The following CTNNA3 variants were observed in gnomAD, a reference collection of about 807,000 sequenced individuals.
CTNNA3 encodes catenin alpha-3.
Under a neutral mutation model 95.7 loss-of-function variants are expected in CTNNA3, and 76 were observed. That is an observed-to-expected ratio of 0.79 (90% CI 0.66 to 0.96). The LOEUF is 0.96. Ranked by LOEUF, CTNNA3 falls within the 40% of genes least tolerant of loss-of-function variation. CTNNA3 has a pLI of 0.00. For missense variants in CTNNA3, 1,191 were observed against 1,089.8 expected (o/e 1.09, Z -1.31); for synonymous variants, 431 against 374.4 (o/e 1.15, Z -1.74).
At chr10:67,385,798 T>TC (rs1283716901) in intron 5 of CTNNA3, among the ~76,000 whole-genome samples, 3 of 146,652 alleles carry the variant, frequency 2.0e-5, no homozygotes, top group Non-Finnish European at 4.5e-5. Flanking sequence ...GCCAGTGTGG[T>TC]CCCACAGTGC....
intron 5 of CTNNA3, among the ~76,000 whole-genome samples, chr10:67,410,544 GC>G (rs1450892163): frequency 1.3e-5 from 2 of 151,318 alleles, no homozygotes; most frequent in East Asian, 3.9e-4. Context: ...AATAGTGTTG[GC>G]AAGAGTACAG....
chr10:67,241,390 T>G (rs910971856), intron 5 of CTNNA3, among the ~76,000 whole-genome samples: 1 of 151,816 alleles, frequency 6.6e-6, no homozygotes, highest in East Asian at 1.9e-4. Flanking sequence ...GCCACTGCCC[T>G]CTAGCCTAGG....
chr10:67,509,798 A>G (rs993788183), intron 5 of CTNNA3, among the ~76,000 whole-genome samples: 1 of 152,070 alleles, frequency 6.6e-6, no homozygotes, highest in African/African-American at 2.4e-5. Context: ...AGTAATTTAC[A>G]CTCCCACCAA....
intron 13 of CTNNA3, among the ~76,000 whole-genome samples, chr10:66,231,147 C>A (rs1330476967): frequency 1.3e-5 from 2 of 152,130 alleles, no homozygotes; most frequent in Non-Finnish European, 2.9e-5. Flanking sequence ...TCAGCTCCTG[C>A]AATGGCTGTG....
intron 7 of CTNNA3, among the ~76,000 whole-genome samples, chr10:66,981,881 G>T (rs1055522950): frequency 6.6e-6 from 1 of 152,102 alleles, no homozygotes; most frequent in Non-Finnish European, 1.5e-5. Flanking sequence ...CCACTTACTT[G>T]CTCCCAAAGT....
At chr10:67,059,275 C>G (rs1424444471) in intron 7 of CTNNA3, among the ~76,000 whole-genome samples, 1 of 152,052 alleles carries the variant, frequency 6.6e-6, no homozygotes, top group East Asian at 1.9e-4. Context: ...TTTGAATTAG[C>G]TAAATGAATT....
intron 7 of CTNNA3, among the ~76,000 whole-genome samples, chr10:66,943,856 C>T (rs183742124): frequency 6.6e-6 from 1 of 152,272 alleles, no homozygotes; most frequent in Non-Finnish European, 1.5e-5. Context: ...TGCAGTAGCA[C>T]TATGTCAAAG....
intron 5 of CTNNA3, among the ~76,000 whole-genome samples, chr10:67,445,702 C>T (rs12264973): frequency 0.1 from 15,601 of 152,052 alleles, 1,055 homozygotes; most frequent in African/African-American, 0.18. Flanking sequence ...ATTCAGCAGC[C>T]AAAGGTAGGC....
chr10:66,739,197 G>A (rs1294936328), intron 9 of CTNNA3, among the ~76,000 whole-genome samples: 4 of 152,194 alleles, frequency 2.6e-5, no homozygotes. Context: ...TGTATTTAGA[G>A]CAATGGTTCT....
chr10:67,436,346 C>T (rs546249196), intron 5 of CTNNA3, among the ~76,000 whole-genome samples: 4 of 152,178 alleles, frequency 2.6e-5, no homozygotes, highest in African/African-American at 9.6e-5. Flanking sequence ...GGACTTACAC[C>T]TAAGACCTGA....
chr10:67,041,910 A>G (rs766696287), intron 7 of CTNNA3, among the ~76,000 whole-genome samples: 49 of 152,274 alleles, frequency 3.2e-4, no homozygotes, highest in Non-Finnish European at 5.1e-4. Context: ...CACATTCATA[A>G]AAGCAATTGT....
intron 7 of CTNNA3, among the ~76,000 whole-genome samples, chr10:67,111,063 A>G (rs1671320459): frequency 6.6e-6 from 1 of 152,150 alleles, no homozygotes; most frequent in Admixed American, 6.5e-5. Flanking sequence ...AACCACAGGG[A>G]GAATAATATA....
At chr10:66,052,791 T>C (rs539263764) in intron 15 of CTNNA3, among the ~76,000 whole-genome samples, 9 of 152,090 alleles carry the variant, frequency 5.9e-5, no homozygotes, top group Non-Finnish European at 4.4e-5. Flanking sequence ...AGTTAAAATA[T>C]GGGCAAAGCA....
At chr10:67,462,289 TAAGTC>T (rs1014672709) in intron 5 of CTNNA3, among the ~76,000 whole-genome samples, 24 of 152,222 alleles carry the variant, frequency 1.6e-4, no homozygotes, top group African/African-American at 5.8e-4. Context: ...GGAGATGCTG[TAAGTC>T]AGCACCTTGT....
At chr10:67,220,860 G>A in intron 5 of CTNNA3, among the ~76,000 whole-genome samples, 1 of 152,062 alleles carries the variant, frequency 6.6e-6, no homozygotes, top group Admixed American at 6.6e-5. Flanking sequence ...GATATACTGT[G>A]ACAGGAAAAG....
At chr10:66,735,587 T>C (rs189034318) in intron 9 of CTNNA3, among the ~76,000 whole-genome samples, 1 of 152,234 alleles carries the variant, frequency 6.6e-6, no homozygotes, top group East Asian at 1.9e-4. Flanking sequence ...TCTTACTATT[T>C]GATTCACTAT....
chr10:66,210,690 AATGTAAGAAAGATATCAGTGTAT>A (rs1412311625), intron 13 of CTNNA3, among the ~76,000 whole-genome samples: 6 of 152,218 alleles, frequency 3.9e-5, no homozygotes, highest in Non-Finnish European at 7.3e-5. Context: ...GTGTTTTTGT[AATGTAAGAAAGATATCAGTGTAT>A]GCTAAAATAT....
intron 1 of CTNNA3, among the ~76,000 whole-genome samples, chr10:67,684,242 G>A (rs772356124): frequency 2.0e-4 from 31 of 152,260 alleles, no homozygotes; most frequent in South Asian, 4.2e-4. Context: ...TGACTGGTGC[G>A]TTTTTACAGA....
chr10:66,196,422 C>T (rs1476727806), intron 13 of CTNNA3, among the ~76,000 whole-genome samples: 2 of 152,298 alleles, frequency 1.3e-5, no homozygotes, highest in South Asian at 2.1e-4. Flanking sequence ...AGGAAAAGAC[C>T]CAACTGGTTG....
Sources: allele counts gnomAD v4.1 joint callset (sites outside exome capture counted in the v4.1 genomes callset), GRCh38; gene constraint gnomAD v4.1.1; transcripts MANE v1.5; gene names NCBI Gene and HGNC (gene_info 2026-07-23, HGNC 2026-07-21).